The following PITPNC1 variants were observed in gnomAD, a reference collection of about 807,000 sequenced individuals.
The protein encoded by PITPNC1 is phosphatidylinositol transfer protein cytoplasmic 1.
A neutral mutation model predicts 44.7 loss-of-function variants in PITPNC1; 18 were observed. The ratio of observed to expected loss-of-function variants is 0.40; its 90% CI spans 0.28 to 0.60. The LOEUF is 0.60. Ranked by LOEUF, PITPNC1 falls within the 20% of genes least tolerant of loss-of-function variation. The pLI is 0.39. For synonymous variants in PITPNC1, 141 were observed against 149.6 expected, an observed-to-expected ratio of 0.94 and a Z score of 0.42; for missense variants, 290 against 418.4, an observed-to-expected ratio of 0.69 and a Z score of 2.68.
chr17:67,469,615 G>C (rs982023349), intron 1 of PITPNC1, among the ~76,000 whole-genome samples: 3 of 152,240 alleles, frequency 2.0e-5, no homozygotes, highest in African/African-American at 7.2e-5. Flanking sequence ...GGGAGTTCAG[G>C]TGCGGGTCAT....
chr17:67,546,323 G>A (rs886745198), intron 2 of PITPNC1, among the ~76,000 whole-genome samples: 2 of 150,702 alleles, frequency 1.3e-5, no homozygotes, highest in Non-Finnish European at 2.9e-5. Flanking sequence ...ATATTTAGAA[G>A]GTGATAAGTG....
At chr17:67,532,214 G>A (rs2040471267) in intron 1 of PITPNC1, among the ~76,000 whole-genome samples, 2 of 152,194 alleles carry the variant, frequency 1.3e-5, no homozygotes, top group African/African-American at 4.8e-5. Flanking sequence ...ATGAGCCTTG[G>A]CTCCACTCAT....
intron 6 of PITPNC1, among the ~76,000 whole-genome samples, chr17:67,659,479 C>T (rs2042312917): frequency 6.6e-6 from 1 of 152,142 alleles, no homozygotes; most frequent in Admixed American, 6.5e-5. Context: ...TCAGCCTAGT[C>T]TTCTTACATT....
At chr17:67,572,683 C>T (rs979009869) in intron 4 of PITPNC1, among the ~76,000 whole-genome samples, 2 of 150,906 alleles carry the variant, frequency 1.3e-5, no homozygotes, top group South Asian at 2.1e-4. Flanking sequence ...ATAATCATTC[C>T]GAAGTGGTAC....
intron 1 of PITPNC1, among the ~76,000 whole-genome samples, chr17:67,529,063 G>T (rs537988935): frequency 9.2e-5 from 14 of 152,248 alleles, no homozygotes; most frequent in Admixed American, 2.6e-4. Flanking sequence ...AGCGTCTGCA[G>T]GTCACCCCCA....
chr17:67,633,058 T>G (rs577718743), intron 6 of PITPNC1, among the ~76,000 whole-genome samples: 1 of 152,344 alleles, frequency 6.6e-6, no homozygotes, highest in South Asian at 2.1e-4. Context: ...CTTCTTGTTA[T>G]ACGGTTTGTG....
At chr17:67,547,192 A>G (rs1053347705) in intron 2 of PITPNC1, among the ~76,000 whole-genome samples, 1 of 152,202 alleles carries the variant, frequency 6.6e-6, no homozygotes, top group African/African-American at 2.4e-5. Context: ...AGAAAATTCC[A>G]GGACTGTCTT....
intron 4 of PITPNC1, among the ~76,000 whole-genome samples, chr17:67,573,618 A>G (rs190410736): frequency 1.4e-4 from 18 of 132,766 alleles, no homozygotes; most frequent in African/African-American, 5.0e-4. Flanking sequence ...GCTGGAGTGC[A>G]GTGGCGCAAC....
At chr17:67,537,841 G>A (rs1488537958) in intron 2 of PITPNC1, among the ~76,000 whole-genome samples, 6 of 151,790 alleles carry the variant, frequency 4.0e-5, no homozygotes, top group South Asian at 2.1e-4. Context: ...GCATGGTGGC[G>A]GGTGCCTGTA....
intron 5 of PITPNC1, among the ~76,000 whole-genome samples, chr17:67,615,128 G>A (rs2041741563): frequency 6.6e-6 from 1 of 152,300 alleles, no homozygotes; most frequent in African/African-American, 2.4e-5. Flanking sequence ...GGGAGCAGGG[G>A]CCCGTGGAGC....
At chr17:67,594,290 A>G (rs537054885) in intron 5 of PITPNC1, among the ~76,000 whole-genome samples, 1 of 152,278 alleles carries the variant, frequency 6.6e-6, no homozygotes, top group Admixed American at 6.5e-5. Flanking sequence ...TTCATAAACC[A>G]TAGTTCTCTT....
At chr17:67,673,966 CAAAAAAAAAAAA>C (rs34458518) in intron 7 of PITPNC1, among the ~76,000 whole-genome samples, 1 of 84,884 alleles carries the variant, frequency 1.2e-5, no homozygotes, top group African/African-American at 4.5e-5. Context: ...GACTCCGTCT[CAAAAAAAAAAAA>C]AAAAAAAAAA....
chr17:67,537,203 C>T (rs373626800), intron 2 of PITPNC1, among the ~76,000 whole-genome samples: 22 of 152,144 alleles, frequency 1.4e-4, no homozygotes, highest in African/African-American at 5.3e-4. Flanking sequence ...CATGTCTATC[C>T]AACATTATGT....
chr17:67,647,561 G>T (rs2042166825), intron 6 of PITPNC1, among the ~76,000 whole-genome samples: 1 of 130,708 alleles, frequency 7.7e-6, no homozygotes, highest in African/African-American at 2.9e-5. Context: ...CTAACCATCT[G>T]CCCGCCTCAG....
intron 1 of PITPNC1, among the ~76,000 whole-genome samples, chr17:67,401,190 C>A (rs1000849010): frequency 6.6e-6 from 1 of 152,202 alleles, no homozygotes; most frequent in Non-Finnish European, 1.5e-5. Context: ...CCGCCCTGGT[C>A]TCCCAAAATG....
At chr17:67,438,034 C>T (rs1482686258) in intron 1 of PITPNC1, among the ~76,000 whole-genome samples, 14 of 151,304 alleles carry the variant, frequency 9.3e-5, no homozygotes, top group Admixed American at 9.2e-4. Flanking sequence ...CGACACTGCA[C>T]TCCATCCTGG....
In PITPNC1 at chr17:67,378,208, C is replaced by T. The variant is rs1332054595; in HGVS notation, c.48+6C>T. ...TGCCGCTCACCGTAGACGAGGTAAG[C>T]GCCGCGCCCGGCCCGGCCTCGCCCG... On this transcript the variant is annotated splice_donor_region_variant and intron_variant, in intron 1 of 8. Coordinates refer to ENST00000581322, the MANE Select transcript of PITPNC1 (RefSeq NM_012417.4). 8.5e-6 allele frequency: 13 copies of T among 1,526,492 alleles called. No individual in the cohort carries two copies. The highest frequency in any genetic ancestry group is 2.9e-5 in the African/African-American group (2 of 69,724). The allele number at this position is 1,526,492 out of a possible 1,614,324, so 94.6% of individuals were successfully genotyped here.
At chr17:67,665,335 C>G (rs2042407018) in intron 6 of PITPNC1, among the ~76,000 whole-genome samples, 1 of 152,188 alleles carries the variant, frequency 6.6e-6, no homozygotes, top group Non-Finnish European at 1.5e-5. Flanking sequence ...TCAAGTGATC[C>G]ACCTGCCTCA....
chr17:67,467,589 A>G (rs2039447057), intron 1 of PITPNC1, among the ~76,000 whole-genome samples: 1 of 152,180 alleles, frequency 6.6e-6, no homozygotes, highest in Non-Finnish European at 1.5e-5. Flanking sequence ...CTATACTAAC[A>G]TGTCCCTTTA....
Sources: gnomAD v4.1 joint callset for allele counts (sites outside exome capture counted in the v4.1 genomes callset) on GRCh38, gnomAD v4.1.1 for gene constraint, MANE v1.5 for transcripts, NCBI Gene and HGNC (gene_info 2026-07-23, HGNC 2026-07-21) for gene names.